ADGRB3: variants seen among roughly 807,000 people sequenced by gnomAD.
ADGRB3 encodes the protein brain-specific angiogenesis inhibitor 3.
In ADGRB3, 37 loss-of-function variants were observed where a neutral mutation model predicts 193.4. That is an observed-to-expected ratio of 0.19 (90% CI 0.15 to 0.25). The LOEUF is 0.25. Ranked by LOEUF, ADGRB3 falls within the 10% of genes least tolerant of loss-of-function variation. The probability of loss-of-function intolerance (pLI) is 1.00; values close to 1 mark genes in which losing one functional copy is unlikely to be tolerated. For missense variants in ADGRB3, 1,637 were observed against 1,852.9 expected (o/e 0.88, Z 2.14); for synonymous variants, 690 against 644.2 (o/e 1.07, Z -1.08).
At chr6:69,199,177 G>C (rs897883881) in intron 17 of ADGRB3, among the ~76,000 whole-genome samples, 3 of 152,070 alleles carry the variant, frequency 2.0e-5, no homozygotes, top group Non-Finnish European at 4.4e-5. Flanking sequence ...CTTTTTCATT[G>C]CTCAGCACAT....
chr6:68,799,553 T>G (rs1487142597), intron 3 of ADGRB3, among the ~76,000 whole-genome samples: 1 of 152,228 alleles, frequency 6.6e-6, no homozygotes, highest in African/African-American at 2.4e-5. Context: ...TTTTAAGTAC[T>G]GTATCTACAA....
At chr6:69,254,578 C>T (rs890178979) in intron 20 of ADGRB3, among the ~76,000 whole-genome samples, 2 of 151,940 alleles carry the variant, frequency 1.3e-5, no homozygotes, top group African/African-American at 4.8e-5. Context: ...AAAAATGATG[C>T]ATTTTCTTTA....
chr6:69,268,022 A>T (rs987214188), intron 20 of ADGRB3, among the ~76,000 whole-genome samples: 1 of 152,140 alleles, frequency 6.6e-6, no homozygotes, highest in Non-Finnish European at 1.5e-5. Context: ...TTAAGAGCAG[A>T]GGCATTCCCA....
intron 28 of ADGRB3, among the ~76,000 whole-genome samples, chr6:69,358,630 T>C (rs1461884298): frequency 6.6e-6 from 1 of 151,956 alleles, no homozygotes; most frequent in African/African-American, 2.4e-5. Context: ...ATAATCTTTC[T>C]TTATACTGAG....
chr6:68,936,467 T>C, intron 4 of ADGRB3, 52 bp from the exon 5 acceptor site: 1 of 1,561,836 alleles, frequency 6.4e-7, no homozygotes, highest in South Asian at 1.2e-5. Flanking sequence ...TAATGCTTAC[T>C]AGATGAATAC....
intron 17 of ADGRB3, among the ~76,000 whole-genome samples, chr6:69,187,351 G>C (rs1395442762): frequency 1.3e-5 from 2 of 152,140 alleles, no homozygotes; most frequent in African/African-American, 4.8e-5. Context: ...GGTTTAGGAT[G>C]ATAACAACTG....
At chr6:69,091,924 T>G (rs1267215273) in intron 17 of ADGRB3, among the ~76,000 whole-genome samples, 2 of 152,232 alleles carry the variant, frequency 1.3e-5, no homozygotes, top group Admixed American at 6.5e-5. Flanking sequence ...ATTATAAAGT[T>G]GGAAAATAAT....
chr6:68,673,583 G>A (rs1457202215), intron 3 of ADGRB3, among the ~76,000 whole-genome samples: 1 of 152,046 alleles, frequency 6.6e-6, no homozygotes, highest in South Asian at 2.1e-4. Context: ...AACTAGAAGA[G>A]GGCAAAAGAT....
intron 17 of ADGRB3, among the ~76,000 whole-genome samples, chr6:69,143,079 G>A (rs1367016159): frequency 2.6e-5 from 4 of 152,118 alleles, no homozygotes; most frequent in African/African-American, 9.7e-5. Context: ...GATATTTTAC[G>A]TGGGGTGAGA....
chr6:69,262,947 A>G (rs889062843), intron 20 of ADGRB3, among the ~76,000 whole-genome samples: 1 of 151,956 alleles, frequency 6.6e-6, no homozygotes, highest in African/African-American at 2.4e-5. Flanking sequence ...GACCTTACAT[A>G]TAGCGTTTTC....
intron 3 of ADGRB3, among the ~76,000 whole-genome samples, chr6:68,749,000 C>T (rs1461334313): frequency 6.6e-6 from 1 of 152,208 alleles, no homozygotes; most frequent in South Asian, 2.1e-4. Flanking sequence ...TGGCCCCTTT[C>T]AGCCATGGCT....
At chr6:68,772,698 C>T (rs1032244014) in intron 3 of ADGRB3, among the ~76,000 whole-genome samples, 2 of 151,182 alleles carry the variant, frequency 1.3e-5, no homozygotes, top group Non-Finnish European at 2.9e-5. Context: ...ACAAACACTA[C>T]AGAAATAGCC....
intron 6 of ADGRB3, among the ~76,000 whole-genome samples, chr6:68,946,067 A>G (rs150268953): frequency 1.3e-5 from 2 of 152,220 alleles, no homozygotes; most frequent in African/African-American, 2.4e-5. Flanking sequence ...ACTTAAACGT[A>G]TCATGTGCCA....
chr6:68,911,811 A>AC (rs1047099216), intron 3 of ADGRB3, among the ~76,000 whole-genome samples: 1 of 142,718 alleles, frequency 7.0e-6, no homozygotes, highest in African/African-American at 2.6e-5. Flanking sequence ...TTGGAAAATT[A>AC]CTTTTTTTTT....
intron 20 of ADGRB3, among the ~76,000 whole-genome samples, chr6:69,312,003 A>G (rs1768205699): frequency 6.6e-6 from 1 of 151,722 alleles, no homozygotes; most frequent in East Asian, 2.0e-4. Flanking sequence ...CCTTTCTTTT[A>G]TCAACTTCTT....
At chr6:68,981,224 C>T (rs1310763253) in intron 10 of ADGRB3, among the ~76,000 whole-genome samples, 2 of 151,540 alleles carry the variant, frequency 1.3e-5, no homozygotes, top group Non-Finnish European at 3.0e-5. Flanking sequence ...CTAAAATGGG[C>T]AGAAGTCTCT....
In ADGRB3 at chr6:68,786,389, A is replaced by C. The variant is rs936577817; in HGVS notation, c.758-144170A>C. 6.0e-3 allele frequency among the ~76,000 whole-genome samples: 913 copies of C among 152,242 alleles called. 5 individuals are homozygous for C. The highest frequency in any genetic ancestry group is 0.021 in the African/African-American group (868 of 41,548). ...CTACATATGGCTAGCCAGTTTTCCC[A>C]GCACCATTTATTAAATAGGGAATCC... On this transcript the variant is annotated intron_variant, in intron 3 of 31. Coordinates refer to ENST00000370598, the MANE Select transcript of ADGRB3 (RefSeq NM_001704.3).
At chr6:69,287,694 A>G (rs1353669025) in intron 20 of ADGRB3, among the ~76,000 whole-genome samples, 3 of 152,204 alleles carry the variant, frequency 2.0e-5, no homozygotes, top group African/African-American at 7.2e-5. Flanking sequence ...GGGACACCAC[A>G]TCTCATACTC....
rs150744274 is a variant in ADGRB3, at chr6:68,981,396, C to T, written c.1734+6056C>T. Reference sequence around the variant, plus strand: ...TTGAAGCTGATGGGAAACAAACAAACTTGGAAGGGAGGTGTTACTTAAATC... The same window carrying T: ...TTGAAGCTGATGGGAAACAAACAAATTTGGAAGGGAGGTGTTACTTAAATC... On this transcript the variant is annotated intron_variant, in intron 10 of 31. Transcript: ENST00000370598. Among the ~76,000 whole-genome samples, 155 of 151,708 alleles carry T rather than the reference C, an allele frequency of 1.0e-3. 4 individuals are homozygous for T. In the Middle Eastern group the frequency reaches 0.01, roughly 10 times the overall value.
Sources: allele counts gnomAD v4.1 joint callset (sites outside exome capture counted in the v4.1 genomes callset), GRCh38; gene constraint gnomAD v4.1.1; transcripts MANE v1.5; gene names NCBI Gene and HGNC (gene_info 2026-07-23, HGNC 2026-07-21).